DLGAP2: variants seen among roughly 807,000 people sequenced by gnomAD.
DLGAP2 encodes the protein DLG associated protein 2, also known as disks large-associated protein 2.
Under a neutral mutation model 100.3 loss-of-function variants are expected in DLGAP2, and 26 were observed. The ratio of observed to expected loss-of-function variants is 0.26; its 90% CI spans 0.19 to 0.36. The LOEUF is 0.36. Among genes scored for constraint, DLGAP2 ranks in the 10% least tolerant of loss-of-function variants. The pLI is 1.00. For synonymous variants in DLGAP2, 886 were observed against 630.1 expected (o/e 1.41, Z -6.08); for missense variants, 1,858 against 1,453.2 (o/e 1.28, Z -4.53).
chr8:1,433,420 AC>A lies in DLGAP2; in HGVS notation c.107-67943del, dbSNP rs1311588563. ...CCCGCTGCGGTGGCCAGGCCCAAGCACCCGAACCACGTGGTTTAGAAAGGTC... is the reference window on the plus strand; with the variant it reads ...CCCGCTGCGGTGGCCAGGCCCAAGCACCGAACCACGTGGTTTAGAAAGGTC... On this transcript the variant is annotated intron_variant, in intron 3 of 14. Coordinates refer to ENST00000637795, the MANE Select transcript of DLGAP2 (RefSeq NM_001346810.2). Among the ~76,000 whole-genome samples, 4 of 152,174 alleles carry A rather than the reference AC, an allele frequency of 2.6e-5. No homozygotes were observed. The East Asian group carries it at 7.7e-4, about 29-fold the overall frequency.
intron 3 of DLGAP2, among the ~76,000 whole-genome samples, chr8:1,309,726 C>G (rs991722523): frequency 6.6e-6 from 1 of 152,210 alleles, no homozygotes; most frequent in Non-Finnish European, 1.5e-5. Flanking sequence ...ACCTTTGTTG[C>G]TACAGAAATT....
chr8:868,665 G>C (rs990339278), intron 1 of DLGAP2, among the ~76,000 whole-genome samples: 9 of 152,220 alleles, frequency 5.9e-5, no homozygotes, highest in Admixed American at 5.2e-4. Context: ...AAGGGTGCGC[G>C]GCACCTTGAA....
intron 2 of DLGAP2, among the ~76,000 whole-genome samples, chr8:1,202,764 G>A (rs1233712132): frequency 6.6e-6 from 1 of 152,148 alleles, no homozygotes; most frequent in East Asian, 1.9e-4. Context: ...GAGGCCTCAG[G>A]CATTCACCTT....
chr8:856,110 A>C (rs1040358368), intron 1 of DLGAP2, among the ~76,000 whole-genome samples: 1 of 152,094 alleles, frequency 6.6e-6, no homozygotes, highest in African/African-American at 2.4e-5. Flanking sequence ...ATAAAAATGC[A>C]TTTGTCAACA....
At chr8:820,720 A>G (rs916662396) in intron 1 of DLGAP2, among the ~76,000 whole-genome samples, 8 of 152,242 alleles carry the variant, frequency 5.3e-5, no homozygotes, top group African/African-American at 1.7e-4. Flanking sequence ...AATTCTGTCT[A>G]GAAACCTATC....
At chr8:1,531,040 A>G (rs1035177788) in intron 4 of DLGAP2, among the ~76,000 whole-genome samples, 2 of 152,222 alleles carry the variant, frequency 1.3e-5, no homozygotes, top group African/African-American at 4.8e-5. Context: ...GTTCATTCCA[A>G]TGTTTTCTGT....
At chr8:817,664 A>G (rs1796507079) in intron 1 of DLGAP2, among the ~76,000 whole-genome samples, 1 of 152,094 alleles carries the variant, frequency 6.6e-6, no homozygotes, top group Non-Finnish European at 1.5e-5. Flanking sequence ...TGCTACCTTG[A>G]TGTGGTGTTC....
intron 1 of DLGAP2, among the ~76,000 whole-genome samples, chr8:842,273 G>A (rs1162166019): frequency 6.6e-6 from 1 of 152,166 alleles, no homozygotes; most frequent in African/African-American, 2.4e-5. Flanking sequence ...TTGAGCGATT[G>A]TACGTTGCTG....
intron 1 of DLGAP2, among the ~76,000 whole-genome samples, chr8:887,707 C>G (rs756158178): frequency 6.6e-6 from 1 of 152,206 alleles, no homozygotes; most frequent in Non-Finnish European, 1.5e-5. Flanking sequence ...GACTCCCAGT[C>G]TCTTCTGGCG....
At chr8:1,150,108 G>T (rs56399124) in intron 2 of DLGAP2, among the ~76,000 whole-genome samples, 136 of 152,214 alleles carry the variant, frequency 8.9e-4, no homozygotes, top group Non-Finnish European at 1.7e-3. Context: ...TTTTTCTGGG[G>T]TTGTTTTGTT....
At chr8:1,493,536 A>C (rs963915735) in intron 3 of DLGAP2, among the ~76,000 whole-genome samples, 4 of 152,178 alleles carry the variant, frequency 2.6e-5, no homozygotes. Context: ...CCAGAGACAC[A>C]CCTGAACGTG....
chr8:1,443,339 T>A (rs192071630), intron 3 of DLGAP2, among the ~76,000 whole-genome samples: 34 of 152,272 alleles, frequency 2.2e-4, no homozygotes, highest in African/African-American at 7.7e-4. Context: ...ACTTCCAGCC[T>A]TCCCTCCACT....
At chr8:1,171,951 G>T (rs147380346) in intron 2 of DLGAP2, among the ~76,000 whole-genome samples, 1 of 151,882 alleles carries the variant, frequency 6.6e-6, no homozygotes, top group Admixed American at 6.6e-5. Context: ...TATTTTGCTC[G>T]TTAGTTGATG....
intron 3 of DLGAP2, among the ~76,000 whole-genome samples, chr8:1,459,468 G>A (rs897709049): frequency 6.6e-6 from 1 of 152,196 alleles, no homozygotes; most frequent in African/African-American, 2.4e-5. Context: ...ATGCTTGAAA[G>A]ATGTTCTATT....
intron 4 of DLGAP2, among the ~76,000 whole-genome samples, chr8:1,533,091 T>C (rs75772175): frequency 0.026 from 3,927 of 151,804 alleles, 154 homozygotes; most frequent in East Asian, 0.13. Flanking sequence ...CCGAAGAAAT[T>C]TGTCATGTTA....
intron 3 of DLGAP2, among the ~76,000 whole-genome samples, chr8:1,359,471 G>T (rs547260768): frequency 6.6e-6 from 1 of 152,384 alleles, no homozygotes; most frequent in South Asian, 2.1e-4. Context: ...GGGGACACGG[G>T]TGGTGCAGAG....
At chr8:1,054,977 C>G (rs371983219) in intron 2 of DLGAP2, among the ~76,000 whole-genome samples, 1 of 152,188 alleles carries the variant, frequency 6.6e-6, no homozygotes, top group Admixed American at 6.5e-5. Flanking sequence ...AAGCAATAAT[C>G]GCATATAGCA....
At chr8:1,382,806 A>T (rs1317232513) in intron 3 of DLGAP2, among the ~76,000 whole-genome samples, 2 of 152,222 alleles carry the variant, frequency 1.3e-5, no homozygotes, top group Non-Finnish European at 2.9e-5. Context: ...ATCAGAAGCC[A>T]TATTGAATGC....
At chr8:1,528,889 C>A (rs1413420311) in intron 4 of DLGAP2, among the ~76,000 whole-genome samples, 3 of 148,022 alleles carry the variant, frequency 2.0e-5, no homozygotes, top group Non-Finnish European at 4.5e-5. Context: ...AATAGTGATG[C>A]TCAGGAAACA....
Sources: allele counts gnomAD v4.1 joint callset (sites outside exome capture counted in the v4.1 genomes callset), GRCh38; gene constraint gnomAD v4.1.1; transcripts MANE v1.5; gene names NCBI Gene and HGNC (gene_info 2026-07-23, HGNC 2026-07-21).